Variants in PLSCR5 observed in about 807,000 individuals in gnomAD.
PLSCR5 encodes the protein phospholipid scramblase family member 5.
A neutral mutation model predicts 33.6 loss-of-function variants in PLSCR5; 44 were observed. The observed-to-expected ratio is 1.31, with a 90% CI of 1.03 to 1.69. The LOEUF (loss-of-function observed/expected upper bound fraction) is 1.69, where lower values mean the gene tolerates loss of function less well. Among genes scored for constraint, PLSCR5 ranks in the 40% most tolerant of loss-of-function variants. PLSCR5 has a pLI of 0.00. For missense variants in PLSCR5, 375 were observed against 318.7 expected, an observed-to-expected ratio of 1.18 and a Z score of -1.34; for synonymous variants, 148 against 112.3, an observed-to-expected ratio of 1.32 and a Z score of -2.01.
intron 2 of PLSCR5, among the ~76,000 whole-genome samples, chr3:146,595,510 G>A (rs2044753454): frequency 6.6e-6 from 1 of 152,120 alleles, no homozygotes; most frequent in Admixed American, 6.6e-5. Context: ...ACAGGAGAGA[G>A]GTGGAGGTGG....
chr3:146,586,565 C>T (rs760434488), intron 6 of PLSCR5, among the ~76,000 whole-genome samples: 11 of 151,916 alleles, frequency 7.2e-5, no homozygotes, highest in Non-Finnish European at 1.5e-4. Context: ...ATAATGGATA[C>T]GAATATTTGA....
intron 5 of PLSCR5, among the ~76,000 whole-genome samples, chr3:146,591,384 G>A (rs12107454): frequency 0.29 from 43,360 of 151,810 alleles, 6,358 homozygotes; most frequent in African/African-American, 0.36. Flanking sequence ...TTTGTCCATA[G>A]AACACATAGA....
At chr3:146,601,782 C>T (rs546489082) in intron 1 of PLSCR5, among the ~76,000 whole-genome samples, 98 of 152,170 alleles carry the variant, frequency 6.4e-4, no homozygotes, top group African/African-American at 2.3e-3. Flanking sequence ...GGTGAAGAAA[C>T]ATCTTTATCT....
intron 6 of PLSCR5, among the ~76,000 whole-genome samples, chr3:146,589,081 C>G (rs1193065181): frequency 6.6e-6 from 1 of 152,134 alleles, no homozygotes; most frequent in Non-Finnish European, 1.5e-5. Flanking sequence ...TTCTGTTCTT[C>G]TATCACCAAT....
At position 146,594,331 on chromosome 3, in the gene PLSCR5, A is replaced by C. The variant is rs545588490; in HGVS notation, c.233-191T>G. 9.9e-5 allele frequency among the ~76,000 whole-genome samples: 15 copies of C among 152,264 alleles called. 1 individual carries two copies. The South Asian group carries it at 2.9e-3, about 29-fold the overall frequency. ...GCCATGGAAATAAAAGTAAATGGTG[A>C]GAATAAAGCTATATAATTAATTAAT... On this transcript the variant is annotated intron_variant, in intron 3 of 7. Transcript: ENST00000443512.
chr3:146,601,324 A>G (rs1239124528), intron 1 of PLSCR5, among the ~76,000 whole-genome samples: 2 of 152,060 alleles, frequency 1.3e-5, no homozygotes, highest in Non-Finnish European at 1.5e-5. Context: ...TTCTTCTCAC[A>G]TAACTACCAC....
Position 146,593,943 on chromosome 3 carries a change from A to G in PLSCR5, c.430T>C (p.Trp144Arg). The change falls in exon 4 of 8, where the codon TGG becomes CGG. Residue 144 changes from tryptophan (W) to arginine (R), a missense_variant. Trp to Arg is a moderately radical substitution (Grantham distance 101). Coordinates refer to ENST00000443512, the MANE Select transcript of PLSCR5 (RefSeq NM_001085420.2). Reference sequence around the variant, plus strand: ...ACCTCTTGTAGGTAGCAAGGGCACCAGCAGCTGTTACATCTCAAGGGCCTG... The same window carrying G: ...ACCTCTTGTAGGTAGCAAGGGCACCGGCAGCTGTTACATCTCAAGGGCCTG... ...VNRPLRCNSC[W>R]CPCYLQELEI... 3 of 1,613,796 alleles carry G rather than the reference A, an allele frequency of 1.9e-6. No homozygotes were observed. Among genetic ancestry groups the G allele is most frequent in the Non-Finnish European group, 2.5e-6 (3 of 1,179,734 alleles).
At chr3:146,587,749 T>A (rs17367161) in intron 6 of PLSCR5, among the ~76,000 whole-genome samples, 22,381 of 152,068 alleles carry the variant, frequency 0.15, 1,864 homozygotes, top group Non-Finnish European at 0.19. Context: ...TTTAAAAACC[T>A]AGCACTCTAT....
At position 146,600,272 on chromosome 3, in the gene PLSCR5, A is replaced by G; in HGVS notation, c.189+16T>C. On this transcript the variant is annotated intron_variant, in intron 2 of 7. Coordinates refer to ENST00000443512, the MANE Select transcript of PLSCR5 (RefSeq NM_001085420.2). ...AAGGGTAGAACATATCTGTAGTAAT[A>G]GAAAGATAAAAACACCTGGCTTAAA... is the stretch of plus-strand genomic sequence containing the variant. The G allele has an allele frequency of 6.6e-7, 1 of 1,526,006 alleles. No homozygotes were observed. The highest frequency in any genetic ancestry group is 1.3e-5 in the South Asian group (1 of 77,840). 94.5% of individuals were successfully genotyped at this position (1,526,006 alleles called of 1,614,324 possible).
chr3:146,597,924 AT>A (rs1190166522), intron 2 of PLSCR5, among the ~76,000 whole-genome samples: 1 of 152,148 alleles, frequency 6.6e-6, no homozygotes, highest in Non-Finnish European at 1.5e-5. Context: ...ACTTTAACTC[AT>A]TACTCTTATG....
rs1361053765 is a variant in PLSCR5, at chr3:146,600,371, G to T, written c.106C>A (p.Gln36Lys). Residue 36 changes from glutamine to lysine, a missense_variant, in exon 2 of 8, where the codon CAA becomes AAA. Physicochemically the swap from Gln to Lys is moderately conservative, Grantham distance 53 (BLOSUM62 1). Coordinates refer to ENST00000443512, the MANE Select transcript of PLSCR5 (RefSeq NM_001085420.2). ...SLPASSNPGN[Q>K]AWQLSLPLPS... ...AGAGGGAGACTCAGCTGCCATGCTTGGTTCCCTGGATTGGAAGAGGCAGGA... is the reference window on the plus strand; with the variant it reads ...AGAGGGAGACTCAGCTGCCATGCTTTGTTCCCTGGATTGGAAGAGGCAGGA... 1 of 1,610,076 alleles carries T rather than the reference G, an allele frequency of 6.2e-7. No homozygotes were observed. The highest frequency in any genetic ancestry group is 1.1e-5 in the South Asian group (1 of 90,314).
intron 2 of PLSCR5, among the ~76,000 whole-genome samples, 184 bp downstream of exon 2, chr3:146,600,104 T>C (rs2044798721): frequency 6.6e-6 from 1 of 152,194 alleles, no homozygotes; most frequent in Non-Finnish European, 1.5e-5. Context: ...AGTAATAAGA[T>C]ACACTTTTAA....
At chr3:146,590,637 A>G (rs1252958130) in intron 5 of PLSCR5, among the ~76,000 whole-genome samples, 4 of 152,142 alleles carry the variant, frequency 2.6e-5, no homozygotes, top group African/African-American at 9.6e-5. Context: ...GGACATTTCT[A>G]TAGCATGAAT....
At chr3:146,595,259 T>C (rs552874963) in intron 2 of PLSCR5, among the ~76,000 whole-genome samples, 176 bp from the exon 3 acceptor site, 21 of 152,288 alleles carry the variant, frequency 1.4e-4, no homozygotes, top group African/African-American at 4.8e-4. Context: ...CGTAATTTTT[T>C]TTTTAATTTA....
chr3:146,604,198 C>T (rs890728693), intron 1 of PLSCR5, among the ~76,000 whole-genome samples: 1 of 151,998 alleles, frequency 6.6e-6, no homozygotes, highest in Non-Finnish European at 1.5e-5. Flanking sequence ...TTCATTATAG[C>T]CTAGGCTTTA....
chr3:146,589,201 A>G (rs2044689052), intron 6 of PLSCR5, among the ~76,000 whole-genome samples: 1 of 152,188 alleles, frequency 6.6e-6, no homozygotes, highest in South Asian at 2.1e-4. Flanking sequence ...TAACTCATCA[A>G]ATCATTTCAT....
chr3:146,600,488 C>G, intron 1 of PLSCR5, 25 bp from the exon 2 acceptor site: 7 of 1,537,018 alleles, frequency 4.6e-6, no homozygotes, highest in South Asian at 1.3e-5. Flanking sequence ...AAATCCCAAT[C>G]CATATTTAAA....
chr3:146,604,157 A>G (rs1200001640), intron 1 of PLSCR5, among the ~76,000 whole-genome samples: 1 of 152,120 alleles, frequency 6.6e-6, no homozygotes, highest in East Asian at 1.9e-4. Flanking sequence ...TTCACCAATT[A>G]TACTAATTAT....
At chr3:146,579,147 A>G (rs1158061076) in intron 7 of PLSCR5, among the ~76,000 whole-genome samples, 2 of 152,158 alleles carry the variant, frequency 1.3e-5, no homozygotes, top group Non-Finnish European at 2.9e-5. Flanking sequence ...ACAGCATAAG[A>G]AATAGACAAA....
Sources: allele counts gnomAD v4.1 joint callset (sites outside exome capture counted in the v4.1 genomes callset), GRCh38; gene constraint gnomAD v4.1.1; transcripts MANE v1.5; gene names NCBI Gene and HGNC (gene_info 2026-07-23, HGNC 2026-07-21).